The following ZDHHC21 variants were observed in gnomAD, a reference collection of about 807,000 sequenced individuals.
ZDHHC21 encodes the protein palmitoyltransferase ZDHHC21.
A neutral mutation model predicts 34.6 loss-of-function variants in ZDHHC21; 15 were observed. The observed-to-expected ratio is 0.43, with a 90% CI of 0.29 to 0.67. ZDHHC21 has a LOEUF of 0.67. ZDHHC21 is among the 30% of genes least tolerant of loss of function. The pLI is 0.14. For missense variants in ZDHHC21, 344 were observed against 327.7 expected (o/e 1.05, Z -0.38); for synonymous variants, 142 against 101.8 (o/e 1.40, Z -2.38).
At chr9:14,622,699 T>G (rs1825511425) in intron 8 of ZDHHC21, 23 of 985,312 alleles carry the variant, frequency 2.3e-5, no homozygotes, top group Non-Finnish European at 2.7e-5. Flanking sequence ...CACCTGACAA[T>G]CGCACATAAA....
chr9:14,668,671 A>G (rs866359754), intron 5 of ZDHHC21, among the ~76,000 whole-genome samples: 3 of 149,414 alleles, frequency 2.0e-5, no homozygotes, highest in Middle Eastern at 3.5e-3. Flanking sequence ...CCAATGGAAC[A>G]GAACAGAGCC....
the ZDHHC21 span, among the ~76,000 whole-genome samples, chr9:14,597,236 G>C: frequency 1.3e-5 from 2 of 152,006 alleles, no homozygotes; most frequent in African/African-American, 4.8e-5. Flanking sequence ...TTCTTCCCTA[G>C]GGCCCAACAC....
chr9:14,604,901 A>C, the ZDHHC21 span, among the ~76,000 whole-genome samples: 1 of 152,150 alleles, frequency 6.6e-6, no homozygotes, highest in African/African-American at 2.4e-5. Flanking sequence ...AGCAGCCACC[A>C]TTCTACTGTT....
chr9:14,590,219 A>C, the ZDHHC21 span, among the ~76,000 whole-genome samples: 6 of 152,306 alleles, frequency 3.9e-5, no homozygotes, highest in African/African-American at 1.2e-4. Flanking sequence ...GAGAGTGAAC[A>C]TGAAACATAG....
At chr9:14,629,277 T>G (rs1320948075) in intron 8 of ZDHHC21, among the ~76,000 whole-genome samples, 1 of 152,126 alleles carries the variant, frequency 6.6e-6, no homozygotes, top group Non-Finnish European at 1.5e-5. Context: ...TTCCACTCGG[T>G]TTTAGAAATA....
At chr9:14,597,880 A>G in the ZDHHC21 span, among the ~76,000 whole-genome samples, 1 of 152,064 alleles carries the variant, frequency 6.6e-6, no homozygotes, top group Non-Finnish European at 1.5e-5. Flanking sequence ...TCATCTGGGT[A>G]CCTGAGAATT....
In ZDHHC21 at chr9:14,618,209, T is replaced by C. The variant is rs957955925; in HGVS notation, c.*757A>G. On this transcript the variant is annotated 3_prime_UTR_variant, in exon 10 of 10. Transcript: ENST00000380916. ...GGAATACATGCCCACTGGTCAGGAG[T>C]TCTCCTGGGAGCAAATATTTTAATC... is the stretch of plus-strand genomic sequence containing the variant. The C allele has an allele frequency of 1.3e-5, 2 of 152,446 alleles. No homozygotes were observed. 9.4% of individuals were successfully genotyped at this position (152,446 alleles called of 1,614,324 possible).
rs924226604 is a variant in ZDHHC21, at chr9:14,612,863, C to T, written c.*6103G>A. ...AAGATTACACACACACACACACACA[C>T]ACACACACACACACACACGCTGAAC... is the stretch of plus-strand genomic sequence containing the variant. On this transcript the variant is annotated 3_prime_UTR_variant, in exon 10 of 10. Coordinates refer to ENST00000380916, the MANE Select transcript of ZDHHC21 (RefSeq NM_178566.6). 1.1e-5 allele frequency: 1 copy of T among 87,836 alleles called. No homozygotes were observed. Among genetic ancestry groups the T allele is most frequent in the Non-Finnish European group, 2.1e-5 (1 of 48,644 alleles). 5.4% of individuals were successfully genotyped at this position (87,836 alleles called of 1,614,324 possible).
the ZDHHC21 span, among the ~76,000 whole-genome samples, chr9:14,604,836 C>T: frequency 1.3e-5 from 2 of 152,110 alleles, no homozygotes; most frequent in Non-Finnish European, 2.9e-5. Flanking sequence ...TTTAAACTCG[C>T]GTGACAGAAA....
Position 14,643,513 on chromosome 9 carries a change from CT to C in ZDHHC21, c.505-3502del, listed in dbSNP as rs1829764996. Among the ~76,000 whole-genome samples, 3 of 152,166 alleles carry C rather than the reference CT, an allele frequency of 2.0e-5. No individual in the cohort carries two copies. The South Asian group carries it at 6.2e-4, about 31-fold the overall frequency. On this transcript the variant is annotated intron_variant, in intron 7 of 9. Coordinates refer to ENST00000380916, the MANE Select transcript of ZDHHC21 (RefSeq NM_178566.6). ...ATGGCACCTTTTTATAAACTAAAGT[CT>C]TAATTTTACGTAGTCCAATGTATCA... is the stretch of plus-strand genomic sequence containing the variant.
rs1314804532 is a variant in ZDHHC21, at chr9:14,612,955, G to A, written c.*6011C>T. ...ATTTTGTTTCAGTATTCACTAAAGT[G>A]CCCAATAAGCTATATAGTTCATTTA... On this transcript the variant is annotated 3_prime_UTR_variant, in exon 10 of 10. Transcript: ENST00000380916. 1.3e-5 allele frequency: 2 copies of A among 151,358 alleles called. No homozygotes were observed. Among genetic ancestry groups the A allele is most frequent in the Non-Finnish European group, 3.0e-5 (2 of 67,754 alleles). 9.4% of individuals were successfully genotyped at this position (151,358 alleles called of 1,614,324 possible). A position where few individuals can be genotyped will look rare whatever the true frequency, so the allele number is the denominator to read the frequency against.
In ZDHHC21 at chr9:14,618,867, G is replaced by T; in HGVS notation, c.*99C>A. 2 of 1,332,798 alleles carry T rather than the reference G, an allele frequency of 1.5e-6. No homozygotes were observed. The highest frequency in any genetic ancestry group is 4.1e-5 in the South Asian group (2 of 48,410). The allele number at this position is 1,332,798 out of a possible 1,614,324, so 82.6% of individuals were successfully genotyped here. ...ATTATGATGCCTAAGACTGGTGGGT[G>T]GATTTTAATTGACTTGAAGACTGTC... On this transcript the variant is annotated 3_prime_UTR_variant, in exon 10 of 10. Coordinates refer to ENST00000380916, the MANE Select transcript of ZDHHC21 (RefSeq NM_178566.6).
At chr9:14,637,081 T>TA (rs1002992454) in intron 8 of ZDHHC21, among the ~76,000 whole-genome samples, 16 of 150,982 alleles carry the variant, frequency 1.1e-4, no homozygotes, top group African/African-American at 3.4e-4. Context: ...CAAAAGAGAC[T>TA]AAAAAAAATA....
intron 7 of ZDHHC21, among the ~76,000 whole-genome samples, chr9:14,641,733 T>A (rs1440087190): frequency 6.6e-6 from 1 of 152,244 alleles, no homozygotes; most frequent in East Asian, 1.9e-4. Context: ...ACCCTCCTGA[T>A]GCTCACTTCC....
At chr9:14,660,014 A>G (rs1395468352) in intron 6 of ZDHHC21, among the ~76,000 whole-genome samples, 1 of 152,210 alleles carries the variant, frequency 6.6e-6, no homozygotes, top group African/African-American at 2.4e-5. Flanking sequence ...AACAGCTTTA[A>G]GAAGCACTAA....
chr9:14,646,727 T>G (rs948915830), intron 7 of ZDHHC21, among the ~76,000 whole-genome samples: 2 of 152,168 alleles, frequency 1.3e-5, no homozygotes, highest in African/African-American at 2.4e-5. Flanking sequence ...GGTTTCTACT[T>G]AAATATCGCC....
chr9:14,604,929 A>ACCAATATGAAG, the ZDHHC21 span, among the ~76,000 whole-genome samples: 1 of 152,170 alleles, frequency 6.6e-6, no homozygotes, highest in South Asian at 2.1e-4. Context: ...GTTTGACTAC[A>ACCAATATGAAG]TTAGATACTT....
intron 2 of ZDHHC21, among the ~76,000 whole-genome samples, chr9:14,686,071 G>A (rs1330923719): frequency 1.3e-5 from 2 of 151,912 alleles, no homozygotes; most frequent in Non-Finnish European, 2.9e-5. Flanking sequence ...GGGGGAGGGG[G>A]GAGGAATAGC....
At chr9:14,687,966 T>C (rs1163095329) in intron 2 of ZDHHC21, among the ~76,000 whole-genome samples, 1 of 150,964 alleles carries the variant, frequency 6.6e-6, no homozygotes, top group Non-Finnish European at 1.5e-5. Flanking sequence ...AACGTATTTA[T>C]AAAACTTTTT....
Sources: gnomAD v4.1 joint callset for allele counts (sites outside exome capture counted in the v4.1 genomes callset) on GRCh38, gnomAD v4.1.1 for gene constraint, MANE v1.5 for transcripts, NCBI Gene and HGNC (gene_info 2026-07-23, HGNC 2026-07-21) for gene names.